Variants in RASGRP1 observed in about 807,000 individuals in gnomAD.
RASGRP1 encodes the protein RAS guanyl releasing protein 1.
RASGRP1 carries 37 observed loss-of-function variants against 95.1 expected under a neutral mutation model. The observed-to-expected ratio is 0.39, with a 90% confidence interval of 0.30 to 0.51. The LOEUF (loss-of-function observed/expected upper bound fraction) is 0.51, where lower values mean the gene tolerates loss of function less well. RASGRP1 is among the 20% of genes least tolerant of loss of function. The probability of loss-of-function intolerance (pLI) is 0.80; values close to 1 mark genes in which losing one functional copy is unlikely to be tolerated. For missense variants in RASGRP1, 711 were observed against 965.4 expected (o/e 0.74, Z 3.49); for synonymous variants, 325 against 353.4 (o/e 0.92, Z 0.90).
intron 1 of RASGRP1, 149 bp downstream of exon 1, chr15:38,564,445 C>T (rs949973986): frequency 1.9e-6 from 1 of 523,368 alleles, no homozygotes; most frequent in Middle Eastern, 7.8e-4. Context: ...CTGGACACGT[C>T]CGCCCGTCGC....
Position 38,507,885 on chromosome 15 carries a change from G to A in RASGRP1, c.1083C>T (p.Asp361=). The change falls in exon 9 of 17, where the codon GAC becomes GAT. Residue 361 remains aspartate, a synonymous_variant. Coordinates refer to ENST00000310803, the MANE Select transcript of RASGRP1 (RefSeq NM_005739.4). ...KIPILGVHLK[D]LISLYEAMPD... is the part of the protein sequence containing the mutation. ...GCATGGCTTCATACAGGGAGATGAGGTCCTTGAGATGCACACCCAGAATGG... is the reference window on the plus strand; with the variant it reads ...GCATGGCTTCATACAGGGAGATGAGATCCTTGAGATGCACACCCAGAATGG... 1 of 1,613,710 alleles carries A rather than the reference G, an allele frequency of 6.2e-7. No homozygotes were observed. Among genetic ancestry groups the A allele is most frequent in the South Asian group, 1.1e-5 (1 of 90,986 alleles).
Position 38,511,596 on chromosome 15 carries a change from G to A in RASGRP1, c.966+8C>T, listed in dbSNP as rs757453318. The A allele has an allele frequency of 2.5e-6, 4 of 1,601,944 alleles. No homozygotes were observed. The highest frequency in any genetic ancestry group is 3.4e-6 in the Non-Finnish European group (4 of 1,169,094). On this transcript the variant is annotated splice_region_variant and intron_variant, in intron 8 of 16. Transcript: ENST00000310803. ...GCTAAGGGCCCCAGAGAAGACAGTA[G>A]CACTGACCTTATTGATTTCATGTGG...
Position 38,490,468 on chromosome 15 carries a change from G to T in RASGRP1, c.*86C>A, listed in dbSNP as rs1199801486. 2.2e-6 allele frequency: 3 copies of T among 1,386,386 alleles called. No individual in the cohort carries two copies. The highest frequency in any genetic ancestry group is 1.5e-5 in the African/African-American group (1 of 68,522). 85.9% of individuals were successfully genotyped at this position (1,386,386 alleles called of 1,614,324 possible). A position where few individuals can be genotyped will look rare whatever the true frequency, so the allele number is the denominator to read the frequency against. On this transcript the variant is annotated 3_prime_UTR_variant, in exon 17 of 17. Coordinates refer to ENST00000310803, the MANE Select transcript of RASGRP1 (RefSeq NM_005739.4). ...TAAAGTACTGTTTTAAAGCTGGTCA[G>T]TGTAAAGTTCCTCAGGTCTGTGCAT... is the stretch of plus-strand genomic sequence containing the variant.
intron 2 of RASGRP1, among the ~76,000 whole-genome samples, chr15:38,554,506 C>T (rs146417231): frequency 8.5e-5 from 13 of 152,236 alleles, no homozygotes; most frequent in East Asian, 5.8e-4. Context: ...TTCTCTACAG[C>T]GGGGCCTGCA....
At chr15:38,505,775 A>G (rs576933604) in intron 10 of RASGRP1, 65 bp downstream of exon 10, 7 of 1,281,712 alleles carry the variant, frequency 5.5e-6, no homozygotes, top group African/African-American at 4.4e-5. Context: ...CCTGAGGATG[A>G]ATGAACTCGA....
chr15:38,550,793 G>A (rs924855017), intron 2 of RASGRP1, among the ~76,000 whole-genome samples: 3 of 152,138 alleles, frequency 2.0e-5, no homozygotes, highest in Admixed American at 2.0e-4. Flanking sequence ...GCACACCCAT[G>A]AAAGTTGATA....
At chr15:38,539,943 G>A (rs558671141) in intron 2 of RASGRP1, among the ~76,000 whole-genome samples, 2 of 152,078 alleles carry the variant, frequency 1.3e-5, no homozygotes, top group Admixed American at 6.6e-5. Context: ...TTGAGACAAG[G>A]TCTCACTCTA....
chr15:38,560,370 T>C (rs1595887901), intron 1 of RASGRP1: 1 of 259,818 alleles, frequency 3.8e-6, no homozygotes, highest in East Asian at 9.7e-5. Flanking sequence ...ATCTTAAAAA[T>C]TATTTACATT....
At chr15:38,558,866 C>T (rs1893685900) in intron 2 of RASGRP1, among the ~76,000 whole-genome samples, 3 of 152,318 alleles carry the variant, frequency 2.0e-5, no homozygotes, top group African/African-American at 7.2e-5. Context: ...TCTGAGATCT[C>T]ATGGATCATG....
chr15:38,515,041 A>G (rs922330259), intron 6 of RASGRP1, among the ~76,000 whole-genome samples: 2 of 152,192 alleles, frequency 1.3e-5, no homozygotes, highest in Non-Finnish European at 2.9e-5. Flanking sequence ...GGAAGCTGGG[A>G]GCTTCCTGGC....
At chr15:38,542,958 T>C (rs1000191109) in intron 2 of RASGRP1, among the ~76,000 whole-genome samples, 2 of 148,276 alleles carry the variant, frequency 1.3e-5, no homozygotes, top group East Asian at 3.9e-4. Context: ...TATACACACA[T>C]ACATATATAT....
chr15:38,502,690 C>T (rs945474115), intron 11 of RASGRP1, among the ~76,000 whole-genome samples: 4 of 152,112 alleles, frequency 2.6e-5, no homozygotes, highest in South Asian at 2.1e-4. Context: ...TAGTTCACTG[C>T]GCAGAGGGAT....
chr15:38,547,085 CAGA>C (rs944796267), intron 2 of RASGRP1, among the ~76,000 whole-genome samples: 5 of 152,200 alleles, frequency 3.3e-5, no homozygotes, highest in African/African-American at 7.2e-5. Flanking sequence ...GGTTCACCTG[CAGA>C]AGGACATCCT....
At chr15:38,542,835 G>GTGTATATATA (rs1366840999) in intron 2 of RASGRP1, among the ~76,000 whole-genome samples, 1 of 107,190 alleles carries the variant, frequency 9.3e-6, no homozygotes, top group Non-Finnish European at 1.8e-5. Context: ...ATATATATGT[G>GTGTATATATA]TATATATATA....
At chr15:38,556,022 G>A (rs1386595093) in intron 2 of RASGRP1, among the ~76,000 whole-genome samples, 1 of 151,988 alleles carries the variant, frequency 6.6e-6, no homozygotes, top group Non-Finnish European at 1.5e-5. Context: ...CAGCCCTCTT[G>A]TAAAGGGAAA....
rs189099917 is a variant in RASGRP1 at position 38,564,247 on chromosome 15, C to G, written c.35+347G>C. Among the ~76,000 whole-genome samples the G allele has an allele frequency of 4.3e-3, 648 of 152,296 alleles. 6 individuals carry two copies. Among genetic ancestry groups the G allele is most frequent in the African/African-American group, 0.015 (621 of 41,582 alleles). Reference sequence around the variant, plus strand: ...GCAGGTGCGGGCAGCGCGGAAAGTCCGCGAGTGGGAGTCCCGATGCCGGGC... The same window carrying G: ...GCAGGTGCGGGCAGCGCGGAAAGTCGGCGAGTGGGAGTCCCGATGCCGGGC... On this transcript the variant is annotated intron_variant, in intron 1 of 16. Transcript: ENST00000310803.
At chr15:38,512,282 T>C (rs556384231) in intron 7 of RASGRP1, among the ~76,000 whole-genome samples, 38 of 152,330 alleles carry the variant, frequency 2.5e-4, no homozygotes, top group African/African-American at 8.4e-4. Context: ...TATAGGACAG[T>C]AACTGGGACA....
chr15:38,496,176 GATA>G (rs993301899), intron 15 of RASGRP1, among the ~76,000 whole-genome samples: 6 of 152,084 alleles, frequency 3.9e-5, no homozygotes, highest in African/African-American at 1.2e-4. Context: ...AACCATCCCC[GATA>G]ATAATGAGAT....
intron 1 of RASGRP1, among the ~76,000 whole-genome samples, 180 bp downstream of exon 1, chr15:38,564,414 G>C (rs1258915638): frequency 6.6e-6 from 1 of 152,064 alleles, no homozygotes; most frequent in Non-Finnish European, 1.5e-5. Context: ...CCGAAACCCC[G>C]GGCGCAGCGC....
Sources: allele counts gnomAD v4.1 joint callset (sites outside exome capture counted in the v4.1 genomes callset), GRCh38; gene constraint gnomAD v4.1.1; transcripts MANE v1.5; gene names NCBI Gene and HGNC (gene_info 2026-07-23, HGNC 2026-07-21).